SGCZ: variants seen among roughly 807,000 people sequenced by gnomAD.
SGCZ encodes the protein sarcoglycan zeta.
In SGCZ, 40 loss-of-function variants were observed where a neutral mutation model predicts 41.3. That is an observed-to-expected ratio of 0.97 (90% CI 0.75 to 1.26). The LOEUF is 1.26. Ranked by LOEUF, SGCZ falls within the 50% of genes most tolerant of loss-of-function variation. The pLI, the probability that SGCZ is intolerant of heterozygous loss-of-function variation, is 0.00. For synonymous variants in SGCZ, 206 were observed against 137.5 expected (o/e 1.50, Z -3.49); for missense variants, 552 against 369.8 (o/e 1.49, Z -4.04).
chr8:14,209,027 A>T (rs1221361003), intron 4 of SGCZ, among the ~76,000 whole-genome samples: 2 of 152,224 alleles, frequency 1.3e-5, no homozygotes, highest in African/African-American at 4.8e-5. Flanking sequence ...CAATAGGAAA[A>T]GGTTACCTGG....
chr8:15,020,257 G>A (rs1457441714), intron 1 of SGCZ, among the ~76,000 whole-genome samples: 1 of 152,118 alleles, frequency 6.6e-6, no homozygotes, highest in East Asian at 1.9e-4. Context: ...CAATATAAAT[G>A]ATTTGATGCA....
chr8:14,894,217 TTG>T (rs1323468053), intron 1 of SGCZ, among the ~76,000 whole-genome samples: 1 of 152,166 alleles, frequency 6.6e-6, no homozygotes. Flanking sequence ...TTTTTTTCAA[TTG>T]TGTTAGCTTT....
At chr8:14,181,066 G>A (rs1027674512) in intron 4 of SGCZ, among the ~76,000 whole-genome samples, 1 of 152,130 alleles carries the variant, frequency 6.6e-6, no homozygotes, top group African/African-American at 2.4e-5. Context: ...TCCTAGGGAG[G>A]GAAGCCATGT....
intron 1 of SGCZ, among the ~76,000 whole-genome samples, chr8:14,780,686 TA>T (rs900879744): frequency 2.0e-5 from 3 of 152,048 alleles, no homozygotes; most frequent in South Asian, 2.1e-4. Flanking sequence ...TTTAAGCTAT[TA>T]AAAAAAATTT....
intron 1 of SGCZ, among the ~76,000 whole-genome samples, chr8:15,047,323 C>G (rs1198595086): frequency 6.6e-6 from 1 of 151,906 alleles, no homozygotes; most frequent in Non-Finnish European, 1.5e-5. Flanking sequence ...TTTTCATTTC[C>G]CAGAAATTCT....
intron 3 of SGCZ, among the ~76,000 whole-genome samples, chr8:14,254,123 G>T (rs1799381465): frequency 6.6e-6 from 1 of 152,170 alleles, no homozygotes; most frequent in Non-Finnish European, 1.5e-5. Flanking sequence ...TTTAAACCAT[G>T]AGAAATAAAT....
chr8:14,726,854 G>T (rs1810072875), intron 1 of SGCZ, among the ~76,000 whole-genome samples: 1 of 151,472 alleles, frequency 6.6e-6, no homozygotes, highest in Admixed American at 6.6e-5. Flanking sequence ...GATGAAAAGA[G>T]GAAAAACTAG....
intron 4 of SGCZ, among the ~76,000 whole-genome samples, chr8:14,187,214 G>A (rs544483444): frequency 6.6e-6 from 1 of 152,292 alleles, no homozygotes; most frequent in South Asian, 2.1e-4. Context: ...CAAGTTCTAA[G>A]AGTTGGGGAG....
intron 2 of SGCZ, among the ~76,000 whole-genome samples, chr8:14,484,880 A>C (rs7830173): frequency 0.91 from 137,726 of 152,174 alleles, 63,698 homozygotes; most frequent in East Asian, 1. Context: ...TAGTATAATA[A>C]GATAAATTAA....
At chr8:14,837,594 G>A (rs148674834) in intron 1 of SGCZ, among the ~76,000 whole-genome samples, 55 of 152,330 alleles carry the variant, frequency 3.6e-4, no homozygotes, top group African/African-American at 1.3e-3. Context: ...AAGCAGTGAA[G>A]AAAGTGGTAG....
At chr8:14,253,370 T>C (rs1799353723) in intron 3 of SGCZ, among the ~76,000 whole-genome samples, 1 of 152,000 alleles carries the variant, frequency 6.6e-6, no homozygotes. Context: ...TATTATAAGA[T>C]AAAAGCATAG....
intron 5 of SGCZ, among the ~76,000 whole-genome samples, chr8:14,125,270 G>A (rs565292762): frequency 3.4e-5 from 5 of 147,970 alleles, no homozygotes; most frequent in Non-Finnish European, 7.4e-5. Flanking sequence ...TCACAAGGTC[G>A]AGGTGGGTGG....
rs1455999339 is a variant in SGCZ, at chr8:14,211,272, C to T, written c.424+26320G>A. Among the ~76,000 whole-genome samples, 8 of 152,172 alleles carry T rather than the reference C, an allele frequency of 5.3e-5. No individual in the cohort carries two copies. In the East Asian group the frequency reaches 9.7e-4, roughly 18 times the overall value. ...TGGGCTGTGCAGTCATCCCAGTGTC[C>T]GGGTACTGCAGATGGGTGTCTCCTC... On this transcript the variant is annotated intron_variant, in intron 4 of 7. Transcript: ENST00000382080.
At chr8:14,975,575 C>T (rs1222445463) in intron 1 of SGCZ, among the ~76,000 whole-genome samples, 4 of 151,922 alleles carry the variant, frequency 2.6e-5, no homozygotes, top group Admixed American at 6.6e-5. Flanking sequence ...TATCTTAACA[C>T]GGGATTTTCA....
chr8:14,542,707 T>A (rs1304504039), intron 2 of SGCZ, among the ~76,000 whole-genome samples: 1 of 152,078 alleles, frequency 6.6e-6, no homozygotes, highest in Non-Finnish European at 1.5e-5. Context: ...TTAGGATAAT[T>A]GTAGAAACTT....
At chr8:14,577,925 G>C (rs1804764350) in intron 1 of SGCZ, among the ~76,000 whole-genome samples, 2 of 152,282 alleles carry the variant, frequency 1.3e-5, no homozygotes, top group African/African-American at 2.4e-5. Flanking sequence ...ATGAACAAAA[G>C]AGTATAATCA....
intron 1 of SGCZ, among the ~76,000 whole-genome samples, chr8:15,137,227 A>T (rs887085430): frequency 6.6e-6 from 1 of 152,186 alleles, no homozygotes; most frequent in Non-Finnish European, 1.5e-5. Context: ...ATAAACTTTG[A>T]ACTTGAGAGA....
chr8:14,240,169 A>T (rs527971802), intron 3 of SGCZ, among the ~76,000 whole-genome samples: 4 of 151,374 alleles, frequency 2.6e-5, no homozygotes, highest in Non-Finnish European at 2.9e-5. Context: ...TCTACTAAAA[A>T]TACGAAAAAT....
Position 14,114,964 on chromosome 8 carries a change from A to G in SGCZ, c.548-6729T>C, listed in dbSNP as rs370396158. Among the ~76,000 whole-genome samples the G allele has an allele frequency of 1.1e-4, 16 of 152,124 alleles. No homozygotes were observed. The East Asian group carries it at 2.9e-3, about 28-fold the overall frequency. On this transcript the variant is annotated intron_variant, in intron 5 of 7. Transcript: ENST00000382080. ...TTAAAAAGAAAATAAATTATTTCCA[A>G]ATTGAATGAATATGTGGTTTGATGG...
Sources: gnomAD v4.1 joint callset for allele counts (sites outside exome capture counted in the v4.1 genomes callset) on GRCh38, gnomAD v4.1.1 for gene constraint, MANE v1.5 for transcripts, NCBI Gene and HGNC (gene_info 2026-07-23, HGNC 2026-07-21) for gene names.